ATP11A: variants seen among roughly 807,000 people sequenced by gnomAD.
The protein encoded by ATP11A is ATPase phospholipid transporting 11A.
A neutral mutation model predicts 154.4 loss-of-function variants in ATP11A; 81 were observed. That is an observed-to-expected ratio of 0.52 (90% CI 0.44 to 0.63). The LOEUF (loss-of-function observed/expected upper bound fraction) is 0.63. Ranked by LOEUF, ATP11A falls within the 30% of genes least tolerant of loss-of-function variation. ATP11A has a pLI of 0.00. For missense variants in ATP11A, 1,316 were observed against 1,474.3 expected (o/e 0.89, Z 1.76); for synonymous variants, 623 against 585.9 (o/e 1.06, Z -0.91).
chr13:112,715,343 C>G (rs937327297), intron 1 of ATP11A, among the ~76,000 whole-genome samples: 1 of 151,206 alleles, frequency 6.6e-6, no homozygotes, highest in Non-Finnish European at 1.5e-5. Flanking sequence ...ATCCCCGGTA[C>G]CTGGCCAATC....
chr13:112,764,131 T>G (rs2077021701), intron 1 of ATP11A, among the ~76,000 whole-genome samples: 3 of 152,186 alleles, frequency 2.0e-5, no homozygotes, highest in Admixed American at 2.0e-4. Flanking sequence ...TAGCCCTGTT[T>G]GGCCGTAGCC....
At chr13:112,823,826 A>C (rs557576312) in intron 9 of ATP11A, among the ~76,000 whole-genome samples, 1 of 152,344 alleles carries the variant, frequency 6.6e-6, no homozygotes. Flanking sequence ...GGTGTTCCTC[A>C]GTGTCCTTGG....
chr13:112,710,517 C>T (rs1328293247), intron 1 of ATP11A, among the ~76,000 whole-genome samples: 2 of 152,220 alleles, frequency 1.3e-5, no homozygotes, highest in African/African-American at 2.4e-5. Flanking sequence ...TCGACTAGAA[C>T]GTTAACAGGA....
At chr13:112,764,913 G>T (rs947024474) in intron 1 of ATP11A, among the ~76,000 whole-genome samples, 9 of 152,196 alleles carry the variant, frequency 5.9e-5, no homozygotes, top group Non-Finnish European at 1.2e-4. Flanking sequence ...GGCGCTACCA[G>T]TCTGGGCTGG....
At position 112,881,662 on chromosome 13, in the gene ATP11A, C is replaced by T. The variant is rs997605946; in HGVS notation, c.*10-214C>T. The T allele has an allele frequency of 3.6e-5, 43 of 1,209,640 alleles. 1 individual carries two copies. The South Asian group carries it at 4.1e-4, about 12-fold the overall frequency. The allele number at this position is 1,209,640 out of a possible 1,614,324, so 74.9% of individuals were successfully genotyped here. A position where few individuals can be genotyped will look rare whatever the true frequency, so the allele number is the denominator to read the frequency against. ...CTTCTCTGGTGGGGTGGATCCCGCC[C>T]GGCCTGCCCTCAGGACGAGGGTGTG... On this transcript the variant is annotated intron_variant, in intron 29 of 29. Coordinates refer to ENST00000375645, the MANE Select transcript of ATP11A (RefSeq NM_015205.3).
chr13:112,882,311 C>T lies in ATP11A; in HGVS notation c.*445C>T. On this transcript the variant is annotated 3_prime_UTR_variant, in exon 30 of 30. Transcript: ENST00000375645. The surrounding 1 kb of genome is among the most constrained non-coding windows in gnomAD (Gnocchi z 5.1). ...CCAGGCCTGTGTCTTCACCCACCTGCCATCATTGGCCTTTGCTGTCACTGG... is the reference window on the plus strand; with the variant it reads ...CCAGGCCTGTGTCTTCACCCACCTGTCATCATTGGCCTTTGCTGTCACTGG... 2.5e-6 allele frequency: 1 copy of T among 402,238 alleles called. No individual in the cohort carries two copies. The highest frequency in any genetic ancestry group is 2.1e-5 in the South Asian group (1 of 47,100). 24.9% of individuals were successfully genotyped at this position (402,238 alleles called of 1,614,324 possible). A position where few individuals can be genotyped will look rare whatever the true frequency, so the allele number is the denominator to read the frequency against.
chr13:112,698,452 GT>G (rs1886133454), intron 1 of ATP11A, among the ~76,000 whole-genome samples: 1 of 152,172 alleles, frequency 6.6e-6, no homozygotes, highest in Non-Finnish European at 1.5e-5. Flanking sequence ...GCGTTTGTTT[GT>G]AATTCACCAC....
intron 19 of ATP11A, among the ~76,000 whole-genome samples, chr13:112,855,424 C>T (rs998645604): frequency 2.0e-5 from 3 of 152,206 alleles, no homozygotes; most frequent in East Asian, 1.9e-4. Context: ...GTGATCCACC[C>T]GCCTTGGCCT....
chr13:112,829,113 G>A (rs1215532366), intron 12 of ATP11A, among the ~76,000 whole-genome samples: 7 of 152,192 alleles, frequency 4.6e-5, no homozygotes, highest in Admixed American at 3.9e-4. Flanking sequence ...CCCGTTCTGC[G>A]ATGCAGTGCT....
At position 112,785,937 on chromosome 13, in the gene ATP11A, C is replaced by G; in HGVS notation, c.162+680C>G. ...AGGTAATGCGGAACGCACGTGCCTG[C>G]GTTCAGACTCCATTTATCTTCACCG... On this transcript the variant is annotated intron_variant, in intron 2 of 29. Transcript: ENST00000375645. The surrounding 1 kb of genome is among the most constrained non-coding windows in gnomAD (Gnocchi z 4.8). 6.6e-6 allele frequency among the ~76,000 whole-genome samples: 1 copy of G among 151,864 alleles called. No homozygotes were observed. The highest frequency in any genetic ancestry group is 2.4e-5 in the African/African-American group (1 of 41,310).
chr13:112,855,182 G>T (rs1196554236), intron 19 of ATP11A, among the ~76,000 whole-genome samples: 1 of 152,126 alleles, frequency 6.6e-6, no homozygotes, highest in Admixed American at 6.5e-5. Flanking sequence ...ACTCCTTTTA[G>T]GGATTGGAGG....
chr13:112,881,807 T>C (rs2080892693), intron 29 of ATP11A, 69 bp from the exon 30 acceptor site: 1 of 1,366,730 alleles, frequency 7.3e-7, no homozygotes, highest in Non-Finnish European at 9.8e-7. Flanking sequence ...TGTCTCGTTC[T>C]CTCAGCAGAA....
At chr13:112,791,187 T>A (rs2077844246) in intron 2 of ATP11A, among the ~76,000 whole-genome samples, 1 of 152,056 alleles carries the variant, frequency 6.6e-6, no homozygotes, top group South Asian at 2.1e-4. Context: ...AGCCCAGAGG[T>A]ACAGAGAGGC....
At chr13:112,784,996 T>G in intron 1 of ATP11A, 139 bp from the exon 2 acceptor site, 1 of 1,132,964 alleles carries the variant, frequency 8.8e-7, no homozygotes, top group Non-Finnish European at 1.1e-6. Context: ...GCCCCAGGTC[T>G]CCCTGCAGCC....
intron 1 of ATP11A, among the ~76,000 whole-genome samples, chr13:112,724,699 A>G (rs867361695): frequency 6.6e-6 from 1 of 151,488 alleles, no homozygotes. Flanking sequence ...GCCCCCCCCC[A>G]GGAAGCTGTT....
In ATP11A at chr13:112,753,334, G is replaced by C. The variant is rs189770490; in HGVS notation, c.40-31801G>C. Among the ~76,000 whole-genome samples, 74 of 152,278 alleles carry C rather than the reference G, an allele frequency of 4.9e-4. No individual in the cohort carries two copies. The highest frequency in any genetic ancestry group is 1.8e-3 in the African/African-American group (73 of 41,556). On this transcript the variant is annotated intron_variant, in intron 1 of 29. Transcript: ENST00000375645. This position sits in a 1 kb window ranked among gnomAD's most constrained non-coding sequence, Gnocchi z 4.1. Reference sequence around the variant, plus strand: ...GTGAGTACATCAGCTATATTTCTGCGAGGACAGCTTTGGGATCGCTTTGGA... The same window carrying C: ...GTGAGTACATCAGCTATATTTCTGCCAGGACAGCTTTGGGATCGCTTTGGA...
chr13:112,845,616 C>A (rs1248629989), intron 17 of ATP11A, among the ~76,000 whole-genome samples: 1 of 104,146 alleles, frequency 9.6e-6, no homozygotes. Context: ...CAGGCACTAG[C>A]GGTACTAACC....
chr13:112,775,199 C>T (rs1464269096), intron 1 of ATP11A, among the ~76,000 whole-genome samples: 5 of 152,236 alleles, frequency 3.3e-5, no homozygotes, highest in Non-Finnish European at 7.3e-5. Flanking sequence ...GTGGGCTGGC[C>T]GCGTAGCTTC....
At chr13:112,757,405 AC>A (rs1294995316) in intron 1 of ATP11A, among the ~76,000 whole-genome samples, 3 of 152,260 alleles carry the variant, frequency 2.0e-5, no homozygotes, top group Admixed American at 6.5e-5. Context: ...TAGTGTCATC[AC>A]GACTTCCTCT....
Sources: allele counts gnomAD v4.1 joint callset (sites outside exome capture counted in the v4.1 genomes callset), GRCh38; gene constraint gnomAD v4.1.1; non-coding constraint Gnocchi (gnomAD v3.1); transcripts MANE v1.5; gene names NCBI Gene and HGNC (gene_info 2026-07-23, HGNC 2026-07-21).